ARHGEF10L: variants seen among roughly 807,000 people sequenced by gnomAD.
ARHGEF10L encodes the protein rho guanine nucleotide exchange factor 10-like protein.
A neutral mutation model predicts 141.2 loss-of-function variants in ARHGEF10L; 69 were observed. The observed-to-expected ratio is 0.49, with a 90% CI of 0.40 to 0.60. ARHGEF10L has a LOEUF of 0.60. Ranked by LOEUF, ARHGEF10L falls within the 20% of genes least tolerant of loss-of-function variation. ARHGEF10L has a pLI of 0.00. For missense variants in ARHGEF10L, 1,482 were observed against 1,734.3 expected, an observed-to-expected ratio of 0.85 and a Z score of 2.58; for synonymous variants, 711 against 718.5, an observed-to-expected ratio of 0.99 and a Z score of 0.17.
Position 17,578,682 on chromosome 1 carries a change from C to T in ARHGEF10L, c.-43-1871C>T, listed in dbSNP as rs114799878. Among the ~76,000 whole-genome samples, 900 of 152,248 alleles carry T rather than the reference C, an allele frequency of 5.9e-3. 11 individuals are homozygous for T. The highest frequency in any genetic ancestry group is 0.021 in the African/African-American group (886 of 41,534). ...ACCTGGGAAATCGAGACCAAAGCAG[C>T]CTCAGTACCTATCGATGGGGGCTAT... is the stretch of plus-strand genomic sequence containing the variant. On this transcript the variant is annotated intron_variant, in intron 1 of 28. Coordinates refer to ENST00000361221, the MANE Select transcript of ARHGEF10L (RefSeq NM_018125.4).
At position 17,624,354 on chromosome 1, in the gene ARHGEF10L, C is replaced by T. The variant is rs375804776; in HGVS notation, c.1201-33C>T. On this transcript the variant is annotated intron_variant, in intron 12 of 28. Coordinates refer to ENST00000361221, the MANE Select transcript of ARHGEF10L (RefSeq NM_018125.4). ...TTTCCTTCTGCTCCCTGCATTGAGGCGGTCTCCCTGGCCCACACCTGCCTT... is the reference window on the plus strand; with the variant it reads ...TTTCCTTCTGCTCCCTGCATTGAGGTGGTCTCCCTGGCCCACACCTGCCTT... 106 of 1,547,082 alleles carry T rather than the reference C, an allele frequency of 6.9e-5. No homozygotes were observed. In the African/African-American group the frequency reaches 7.6e-4, roughly 11 times the overall value.
At chr1:17,588,406 C>G (rs1273443957) in intron 3 of ARHGEF10L, 40 bp from the exon 4 acceptor site, 4 of 1,612,476 alleles carry the variant, frequency 2.5e-6, no homozygotes, top group South Asian at 1.1e-5. Context: ...TGGGGCCAGC[C>G]TCTGGCCTGA....
intron 22 of ARHGEF10L, among the ~76,000 whole-genome samples, chr1:17,653,601 G>A (rs138074579): frequency 6.6e-6 from 1 of 152,358 alleles, no homozygotes; most frequent in African/African-American, 2.4e-5. Flanking sequence ...CGGGCTTAGC[G>A]AAGCCCCCTG....
chr1:17,591,395 A>G (rs1570691184), intron 4 of ARHGEF10L, among the ~76,000 whole-genome samples: 1 of 141,994 alleles, frequency 7.0e-6, no homozygotes, highest in African/African-American at 2.6e-5. Context: ...GGCATGTGCC[A>G]TCATGCCTGG....
At chr1:17,519,111 G>A in the ARHGEF10L span, among the ~76,000 whole-genome samples, 2 of 152,018 alleles carry the variant, frequency 1.3e-5, no homozygotes, top group African/African-American at 2.4e-5. Flanking sequence ...GGAGGCGGAG[G>A]TTGCGGTGAG....
chr1:17,653,604 GC>G (rs554827314), intron 22 of ARHGEF10L, among the ~76,000 whole-genome samples: 1 of 152,368 alleles, frequency 6.6e-6, no homozygotes, highest in African/African-American at 2.4e-5. Context: ...GCTTAGCGAA[GC>G]CCCCTGCTCT....
intron 1 of ARHGEF10L, among the ~76,000 whole-genome samples, chr1:17,560,082 T>C (rs1268361048): frequency 6.6e-6 from 1 of 152,074 alleles, no homozygotes; most frequent in Non-Finnish European, 1.5e-5. Flanking sequence ...AGGCTCCGAG[T>C]GTCCCCCTCT....
chr1:17,634,947 T>C lies in ARHGEF10L; in HGVS notation c.1858T>C (p.Tyr620His), dbSNP rs760376997. ...GGAGGTGGGCCAGGACGGTGGCACC[T>C]ATGACAAGGACAATGTGCTCATCCA... is the stretch of plus-strand genomic sequence containing the variant. ...VVEVGQDGGT[Y>H]DKDNVLIQHS... Residue 620 changes from tyrosine (Y) to histidine (H), a missense_variant, in exon 18 of 29, where the codon TAT (tyrosine) becomes CAT (histidine). Tyr to His is a moderately conservative substitution (Grantham distance 83). Around this residue, in one of 3 missense-constraint regions of ARHGEF10L, gnomAD observed 858 missense variants for 966.3 expected, o/e 0.89. Coordinates refer to ENST00000361221, the MANE Select transcript of ARHGEF10L (RefSeq NM_018125.4). 1.9e-6 allele frequency: 3 copies of C among 1,614,084 alleles called. No individual in the cohort carries two copies. In the South Asian group the frequency reaches 3.3e-5, roughly 18 times the overall value.
At chr1:17,572,512 C>G (rs374481068) in intron 1 of ARHGEF10L, among the ~76,000 whole-genome samples, 7 of 152,290 alleles carry the variant, frequency 4.6e-5, no homozygotes, top group East Asian at 3.9e-4. Flanking sequence ...CACACTCCCC[C>G]CTTTTACTTA....
chr1:17,544,705 G>A (rs1332943107), intron 1 of ARHGEF10L, among the ~76,000 whole-genome samples: 1 of 151,988 alleles, frequency 6.6e-6, no homozygotes, highest in African/African-American at 2.4e-5. Context: ...TGTGTGCGTT[G>A]GGGAGTGTAT....
At chr1:17,567,671 C>G (rs1383766031) in intron 1 of ARHGEF10L, among the ~76,000 whole-genome samples, 2 of 152,158 alleles carry the variant, frequency 1.3e-5, no homozygotes, top group Non-Finnish European at 2.9e-5. Context: ...ACCAGCCTAG[C>G]AGAATATTTT....
chr1:17,688,790 G>A lies in ARHGEF10L; in HGVS notation c.3184+1043G>A, dbSNP rs1345122045. Among the ~76,000 whole-genome samples, 4 of 152,238 alleles carry A rather than the reference G, an allele frequency of 2.6e-5. No individual in the cohort carries two copies. In the East Asian group the frequency reaches 7.7e-4, roughly 29 times the overall value. ...TTAGCCAGCACTGCAGGAGCCTTAG[G>A]GACCTCTGCCTACCCCAGGGGCCCG... On this transcript the variant is annotated intron_variant, in intron 27 of 28. Transcript: ENST00000361221.
intron 26 of ARHGEF10L, among the ~76,000 whole-genome samples, chr1:17,668,937 C>T (rs1027775794): frequency 2.6e-5 from 4 of 152,182 alleles, no homozygotes; most frequent in African/African-American, 7.2e-5. Context: ...CCCGGCTCCA[C>T]GCTCACCACA....
chr1:17,551,118 C>G (rs555501390), intron 1 of ARHGEF10L, among the ~76,000 whole-genome samples: 27 of 152,060 alleles, frequency 1.8e-4, no homozygotes, highest in Non-Finnish European at 3.2e-4. Flanking sequence ...ACGGCATTCC[C>G]GTGTTGCAGA....
intron 26 of ARHGEF10L, among the ~76,000 whole-genome samples, chr1:17,674,633 T>G (rs2063531395): frequency 6.6e-6 from 1 of 152,218 alleles, no homozygotes; most frequent in Non-Finnish European, 1.5e-5. Context: ...TGCCTGTGCA[T>G]GCCTGTGAGA....
chr1:17,682,401 T>C (rs2064195616), intron 26 of ARHGEF10L, among the ~76,000 whole-genome samples: 1 of 152,196 alleles, frequency 6.6e-6, no homozygotes, highest in African/African-American at 2.4e-5. Context: ...TCACTGTGCC[T>C]GCCCCACCAC....
At chr1:17,646,120 C>T (rs549859270) in intron 21 of ARHGEF10L, among the ~76,000 whole-genome samples, 112 of 152,312 alleles carry the variant, frequency 7.4e-4, no homozygotes, top group Admixed American at 6.3e-3. Context: ...GGTGTGAGCC[C>T]GCCGGGTGCT....
At position 17,588,496 on chromosome 1, in the gene ARHGEF10L, C is replaced by G. The variant is rs780401691; in HGVS notation, c.257+17C>G. The stretch of plus-strand genomic sequence containing the variant: ...CGGCACAGGGTAAGTGAACCTTGCT[C>G]CTTTGCTTTGGCGGTTGGAAACAGG... On this transcript the variant is annotated intron_variant, in intron 4 of 28. Transcript: ENST00000361221. 1.7e-5 allele frequency: 27 copies of G among 1,613,900 alleles called. No individual in the cohort carries two copies. The Admixed American group carries it at 4.5e-4, about 27-fold the overall frequency.
chr1:17,530,135 A>C, the ARHGEF10L span, among the ~76,000 whole-genome samples: 1 of 152,118 alleles, frequency 6.6e-6, no homozygotes, highest in African/African-American at 2.4e-5. Flanking sequence ...ACCTGGCCAC[A>C]CAGCAGTCTT....
Sources: allele counts gnomAD v4.1 joint callset (sites outside exome capture counted in the v4.1 genomes callset), GRCh38; gene constraint gnomAD v4.1.1; regional missense constraint gnomAD v4.1.1; transcripts MANE v1.5; gene names NCBI Gene and HGNC (gene_info 2026-07-23, HGNC 2026-07-21).